The following GRIK4 variants were observed in gnomAD, a reference collection of about 807,000 sequenced individuals.
GRIK4 encodes the protein glutamate receptor ionotropic, kainate 4.
Under a neutral mutation model 104.9 loss-of-function variants are expected in GRIK4, and 40 were observed. The observed-to-expected ratio is 0.38, with a 90% CI of 0.30 to 0.50. The LOEUF is 0.50. Among genes scored for constraint, GRIK4 ranks in the 20% least tolerant of loss-of-function variants. The pLI is 0.93. For synonymous variants in GRIK4, 485 were observed against 524.9 expected (o/e 0.92, Z 1.04); for missense variants, 1,047 against 1,308.1 (o/e 0.80, Z 3.08).
intron 1 of GRIK4, among the ~76,000 whole-genome samples, chr11:120,516,168 G>GT (rs1240363393): frequency 6.6e-6 from 1 of 152,238 alleles, no homozygotes; most frequent in Non-Finnish European, 1.5e-5. Context: ...GGAGTCCCCT[G>GT]TTTGGGGGGT....
chr11:120,630,394 T>A (rs1949319351), intron 1 of GRIK4, among the ~76,000 whole-genome samples: 1 of 152,234 alleles, frequency 6.6e-6, no homozygotes, highest in African/African-American at 2.4e-5. Flanking sequence ...AATAAGAATC[T>A]CTTTGGGTTG....
intron 3 of GRIK4, among the ~76,000 whole-genome samples, chr11:120,694,205 C>A (rs146572225): frequency 6.6e-6 from 1 of 152,138 alleles, no homozygotes; most frequent in Non-Finnish European, 1.5e-5. Context: ...TGACAGAAAG[C>A]ACGAGAGCAG....
At chr11:120,842,634 A>G (rs1234727864) in intron 8 of GRIK4, among the ~76,000 whole-genome samples, 2 of 152,252 alleles carry the variant, frequency 1.3e-5, no homozygotes, top group Admixed American at 1.3e-4. Context: ...GCACTTAGTT[A>G]TAAGGATGTC....
chr11:120,789,633 C>T (rs368213551), intron 3 of GRIK4, among the ~76,000 whole-genome samples: 8 of 152,236 alleles, frequency 5.3e-5, no homozygotes, highest in South Asian at 2.1e-4. Context: ...TCTTGTCCCT[C>T]GGCACCTTCT....
intron 3 of GRIK4, among the ~76,000 whole-genome samples, chr11:120,739,713 AG>A (rs1423634149): frequency 6.6e-6 from 1 of 152,234 alleles, no homozygotes; most frequent in East Asian, 1.9e-4. Flanking sequence ...TGGAGTCCCA[AG>A]ATCTAGGGGT....
chr11:120,927,171 G>A (rs957360685), intron 13 of GRIK4, among the ~76,000 whole-genome samples: 1 of 110,112 alleles, frequency 9.1e-6, no homozygotes, highest in South Asian at 4.2e-4. Flanking sequence ...GTGGGCCACG[G>A]TAAGGAGTTG....
chr11:120,531,644 C>T (rs1321653807), intron 1 of GRIK4, among the ~76,000 whole-genome samples: 2 of 151,816 alleles, frequency 1.3e-5, no homozygotes, highest in African/African-American at 2.4e-5. Flanking sequence ...GGCGCAGTCT[C>T]GGCTCACTGG....
At chr11:120,517,414 T>C (rs1020798949) in intron 1 of GRIK4, among the ~76,000 whole-genome samples, 2 of 148,598 alleles carry the variant, frequency 1.3e-5, no homozygotes, top group African/African-American at 5.1e-5. Flanking sequence ...TGGTGCCCGC[T>C]TGTGTTGTCA....
intron 3 of GRIK4, among the ~76,000 whole-genome samples, chr11:120,714,599 C>T (rs996847662): frequency 4.6e-5 from 7 of 152,186 alleles, no homozygotes; most frequent in African/African-American, 1.4e-4. Flanking sequence ...GTATGAAGTA[C>T]TACAGCGTCC....
chr11:120,704,194 TTAAG>T (rs1950594799), intron 3 of GRIK4, among the ~76,000 whole-genome samples: 1 of 152,242 alleles, frequency 6.6e-6, no homozygotes, highest in African/African-American at 2.4e-5. Context: ...TGCTTATTTA[TTAAG>T]TGTTAATGTT....
intron 6 of GRIK4, among the ~76,000 whole-genome samples, chr11:120,824,553 C>CTTTTTT (rs763907708): frequency 5.4e-5 from 7 of 128,882 alleles, no homozygotes; most frequent in Non-Finnish European, 1.2e-4. Flanking sequence ...TTTTTCTTTT[C>CTTTTTT]TTTTTTTTTT....
Position 120,917,012 on chromosome 11 carries a change from G to A in GRIK4, c.1476+11519G>A, listed in dbSNP as rs1565437317. ...TGTAATCCCAGCACTTTGGGAGGCC[G>A]AGGCGAGCGGATCACCTGAGGTCAG... On this transcript the variant is annotated intron_variant, in intron 13 of 20. Coordinates refer to ENST00000527524, the MANE Select transcript of GRIK4 (RefSeq NM_014619.5). Among the ~76,000 whole-genome samples the A allele has an allele frequency of 2.0e-5, 3 of 151,912 alleles. No homozygotes were observed. The South Asian group carries it at 6.2e-4, about 32-fold the overall frequency.
intron 3 of GRIK4, among the ~76,000 whole-genome samples, chr11:120,718,551 G>A (rs189903154): frequency 6.6e-5 from 10 of 152,332 alleles, no homozygotes; most frequent in South Asian, 4.1e-4. Context: ...ACCTCCAGCC[G>A]CAAGTACAGC....
At position 120,836,771 on chromosome 11, in the gene GRIK4, T is replaced by G. The variant is rs776729090; in HGVS notation, c.691-20T>G. On this transcript the variant is annotated intron_variant, in intron 7 of 20. Coordinates refer to ENST00000527524, the MANE Select transcript of GRIK4 (RefSeq NM_014619.5). ...TGAGTTTTTGTTTTCTTCTCTAATC[T>G]CCTTCTCTTCGCCTTGCAGGCAGCC... The G allele has an allele frequency of 4.4e-6, 7 of 1,573,114 alleles. No individual in the cohort carries two copies. Among genetic ancestry groups the G allele is most frequent in the Non-Finnish European group, 6.1e-6 (7 of 1,142,656 alleles).
rs548483179 is a variant in GRIK4, at chr11:120,986,434, C to A, written c.*174C>A. On this transcript the variant is annotated 3_prime_UTR_variant, in exon 21 of 21. Coordinates refer to ENST00000527524, the MANE Select transcript of GRIK4 (RefSeq NM_014619.5). ...CCTGACGCCCCAGCCAGAGACCGCG[C>A]CCGGTCAGGGAGCAGGGTCCACCCG... 1.5e-5 allele frequency: 14 copies of A among 910,166 alleles called. No individual in the cohort carries two copies. In the Admixed American group the frequency reaches 3.0e-4, roughly 20 times the overall value. The allele number at this position is 910,166 out of a possible 1,614,324, so 56.4% of individuals were successfully genotyped here. A position where few individuals can be genotyped will look rare whatever the true frequency, so the allele number is the denominator to read the frequency against.
intron 9 of GRIK4, among the ~76,000 whole-genome samples, chr11:120,864,205 T>A (rs530218637): frequency 5.4e-4 from 75 of 137,770 alleles, no homozygotes; most frequent in Admixed American, 1.3e-3. Context: ...GTATTTTTAT[T>A]TTTATTTATT....
intron 1 of GRIK4, among the ~76,000 whole-genome samples, chr11:120,588,962 G>A (rs532689123): frequency 1.3e-5 from 2 of 152,328 alleles, no homozygotes; most frequent in African/African-American, 4.8e-5. Flanking sequence ...TGGCTTTCAG[G>A]TCAAGAAAGT....
At chr11:120,863,294 C>A (rs533341145) in intron 9 of GRIK4, among the ~76,000 whole-genome samples, 1 of 152,214 alleles carries the variant, frequency 6.6e-6, no homozygotes, top group South Asian at 2.1e-4. Flanking sequence ...CAAATACTTA[C>A]CACTGTGTTG....
intron 1 of GRIK4, among the ~76,000 whole-genome samples, chr11:120,557,233 T>TC (rs776436383): frequency 1.1e-4 from 17 of 151,838 alleles, no homozygotes; most frequent in African/African-American, 3.9e-4. Context: ...GCCTCTCCTG[T>TC]CCCCCCCGAG....
Sources: allele counts gnomAD v4.1 joint callset (sites outside exome capture counted in the v4.1 genomes callset), GRCh38; gene constraint gnomAD v4.1.1; transcripts MANE v1.5; gene names NCBI Gene and HGNC (gene_info 2026-07-23, HGNC 2026-07-21).